The following NRXN1 variants were observed in gnomAD, a reference collection of about 807,000 sequenced individuals.
NRXN1 encodes neurexin 1.
In NRXN1, 39 loss-of-function variants were observed where a neutral mutation model predicts 150.9. The observed-to-expected ratio is 0.26, with a 90% CI of 0.20 to 0.34. The LOEUF (loss-of-function observed/expected upper bound fraction) is 0.34. NRXN1 is among the 10% of genes least tolerant of loss of function. The pLI is 1.00. For missense variants in NRXN1, 1,815 were observed against 1,949.9 expected (o/e 0.93, Z 1.30); for synonymous variants, 924 against 757.0 (o/e 1.22, Z -3.62).
chr2:50,207,516 G>A (rs1317664507), intron 18 of NRXN1: 1 of 154,524 alleles, frequency 6.5e-6, no homozygotes, highest in Non-Finnish European at 1.5e-5. Context: ...AAAGGAATTT[G>A]GTATTATTAA....
chr2:50,334,224 T>TA (rs2077037315), intron 17 of NRXN1, among the ~76,000 whole-genome samples: 1 of 145,780 alleles, frequency 6.9e-6, no homozygotes, highest in African/African-American at 2.7e-5. Flanking sequence ...TATGTAGATA[T>TA]TGTTTAACGG....
In NRXN1 at chr2:49,943,802, A is replaced by G. The variant is rs768266314; in HGVS notation, c.4129-11T>C. On this transcript the variant is annotated splice_polypyrimidine_tract_variant and intron_variant, in intron 21 of 22. Coordinates refer to ENST00000401669, the MANE Select transcript of NRXN1 (RefSeq NM_001330078.2). ...GATGTCATCTGTGGTCTGCAAAAGA[A>G]TCACATTCAGTAGATTAATTTAAAG... 4 of 1,594,112 alleles carry G rather than the reference A, an allele frequency of 2.5e-6. No individual in the cohort carries two copies. The highest frequency in any genetic ancestry group is 2.2e-5 in the South Asian group (2 of 89,750).
rs143556021 is a variant in NRXN1, at chr2:50,081,226, C to T, written c.3718+10097G>A. 1.7e-3 allele frequency among the ~76,000 whole-genome samples: 257 copies of T among 152,264 alleles called. 8 individuals are homozygous for T. In the East Asian group the frequency reaches 0.045, roughly 27 times the overall value. On this transcript the variant is annotated intron_variant, in intron 19 of 22. Coordinates refer to ENST00000401669, the MANE Select transcript of NRXN1 (RefSeq NM_001330078.2). The stretch of plus-strand genomic sequence containing the variant: ...GTATGATATTTTATCCTTTTTGATA[C>T]TCTGCCTCCTCTTGACGGCACTTTC...
chr2:50,215,969 G>T (rs1028107534), intron 18 of NRXN1, among the ~76,000 whole-genome samples: 1 of 152,018 alleles, frequency 6.6e-6, no homozygotes, highest in Non-Finnish European at 1.5e-5. Flanking sequence ...TGGTGACATT[G>T]GTTAAATATT....
chr2:50,286,559 C>T (rs1261594578), intron 17 of NRXN1, among the ~76,000 whole-genome samples: 1 of 152,058 alleles, frequency 6.6e-6, no homozygotes, highest in Non-Finnish European at 1.5e-5. Flanking sequence ...TTATGTAAAG[C>T]AGTTAACTAG....
intron 17 of NRXN1, among the ~76,000 whole-genome samples, chr2:50,448,346 A>T (rs1370139017): frequency 6.6e-6 from 1 of 152,172 alleles, no homozygotes; most frequent in Non-Finnish European, 1.5e-5. Context: ...TAGAACGGCA[A>T]AACCAAACCT....
Position 50,137,308 on chromosome 2 carries a change from A to T in NRXN1, c.3547-45814T>A, listed in dbSNP as rs541968502. ...TGCAAATGGTGTTCACCAAGCGCAT[A>T]CTCTTAGTTGGTGAGCATCTGTAAA... On this transcript the variant is annotated intron_variant, in intron 18 of 22. Coordinates refer to ENST00000401669, the MANE Select transcript of NRXN1 (RefSeq NM_001330078.2). Among the ~76,000 whole-genome samples, 12 of 152,252 alleles carry T rather than the reference A, an allele frequency of 7.9e-5. No homozygotes were observed. In the South Asian group the frequency reaches 2.5e-3, roughly 32 times the overall value.
At chr2:50,812,723 AGT>A (rs143701404) in intron 5 of NRXN1, among the ~76,000 whole-genome samples, 110 of 146,002 alleles carry the variant, frequency 7.5e-4, no homozygotes, top group Admixed American at 1.2e-3. Context: ...AAATAATAAG[AGT>A]GTGTGTGTGT....
chr2:50,777,632 G>A (rs1011086503), intron 5 of NRXN1, among the ~76,000 whole-genome samples: 2 of 152,136 alleles, frequency 1.3e-5, no homozygotes, highest in South Asian at 2.1e-4. Flanking sequence ...TACCAGGAGA[G>A]TATTTTAAAG....
intron 21 of NRXN1, among the ~76,000 whole-genome samples, chr2:49,999,012 G>A (rs754530737): frequency 6.1e-5 from 9 of 147,332 alleles, no homozygotes; most frequent in South Asian, 2.2e-4. Context: ...GATGCTTCTC[G>A]TACTTTAGTG....
intron 5 of NRXN1, among the ~76,000 whole-genome samples, chr2:50,813,124 A>T (rs1035248058): frequency 6.6e-6 from 1 of 151,828 alleles, no homozygotes; most frequent in African/African-American, 2.4e-5. Flanking sequence ...AGCCTGGGGG[A>T]CTGAAGCTGG....
chr2:50,352,439 G>A (rs573501595), intron 17 of NRXN1, among the ~76,000 whole-genome samples: 2 of 152,146 alleles, frequency 1.3e-5, no homozygotes, highest in East Asian at 1.9e-4. Flanking sequence ...AAATAGAAAA[G>A]TAGACACTAA....
chr2:50,440,782 G>C (rs7607203), intron 17 of NRXN1, among the ~76,000 whole-genome samples: 76,965 of 151,838 alleles, frequency 0.51, 21,661 homozygotes, highest in East Asian at 0.92. Context: ...TTTATGAAAA[G>C]GTGCACATAA....
intron 15 of NRXN1, among the ~76,000 whole-genome samples, chr2:50,491,240 A>G (rs1323668001): frequency 6.6e-6 from 1 of 152,228 alleles, no homozygotes; most frequent in Non-Finnish European, 1.5e-5. Context: ...TTTGTCAAGT[A>G]GCAACATGAA....
intron 5 of NRXN1, among the ~76,000 whole-genome samples, chr2:50,685,553 T>C (rs1361741668): frequency 1.3e-5 from 2 of 152,178 alleles, no homozygotes; most frequent in Non-Finnish European, 2.9e-5. Context: ...TCATCACTTT[T>C]TTCTTTGGAA....
chr2:50,739,035 T>G (rs150957963), intron 5 of NRXN1, among the ~76,000 whole-genome samples: 2 of 152,278 alleles, frequency 1.3e-5, no homozygotes, highest in East Asian at 1.9e-4. Flanking sequence ...AATTCAAGAT[T>G]CTAAACTCTC....
intron 17 of NRXN1, among the ~76,000 whole-genome samples, chr2:50,295,629 T>C (rs1002230359): frequency 6.6e-6 from 1 of 152,252 alleles, no homozygotes. Flanking sequence ...CTCTGAATTT[T>C]ATTTTATCCT....
chr2:50,885,820 A>AACACACACACAAACAC (rs1554192823), intron 5 of NRXN1, among the ~76,000 whole-genome samples: 1 of 143,752 alleles, frequency 7.0e-6, no homozygotes, highest in Non-Finnish European at 1.5e-5. Context: ...TATTTCTATA[A>AACACACACACAAACAC]ACACACACAC....
chr2:50,262,995 C>T (rs1273458769), intron 17 of NRXN1, among the ~76,000 whole-genome samples: 1 of 151,944 alleles, frequency 6.6e-6, no homozygotes. Context: ...TGCCCTTAGA[C>T]CTTTCACATC....
Sources: gnomAD v4.1 joint callset for allele counts (sites outside exome capture counted in the v4.1 genomes callset) on GRCh38, gnomAD v4.1.1 for gene constraint, MANE v1.5 for transcripts, NCBI Gene and HGNC (gene_info 2026-07-23, HGNC 2026-07-21) for gene names.